CCDC171: variants seen among roughly 807,000 people sequenced by gnomAD.
CCDC171 encodes the protein coiled-coil domain containing 171, also known as coiled-coil domain-containing protein 171.
CCDC171 carries 177 observed loss-of-function variants against 168.2 expected under a neutral mutation model. That is an observed-to-expected ratio of 1.05 (90% CI 0.93 to 1.19). CCDC171 has a LOEUF of 1.19. Ranked by LOEUF, CCDC171 falls within the 50% of genes most tolerant of loss-of-function variation. CCDC171 has a pLI of 0.00. For synonymous variants in CCDC171, 687 were observed against 540.8 expected, an observed-to-expected ratio of 1.27 and a Z score of -3.75; for missense variants, 1,991 against 1,539.0, an observed-to-expected ratio of 1.29 and a Z score of -4.91.
At chr9:15,995,433 C>T (rs541081382) in intron 3 of CCDC171, among the ~76,000 whole-genome samples, 3 of 152,232 alleles carry the variant, frequency 2.0e-5, no homozygotes, top group Non-Finnish European at 2.9e-5. Flanking sequence ...GAGAAATTCA[C>T]TCCTTGAAAA....
intron 7 of CCDC171, among the ~76,000 whole-genome samples, 200 bp from the exon 8 acceptor site, chr9:15,656,927 A>G (rs569985534): frequency 7.9e-5 from 12 of 152,118 alleles, no homozygotes; most frequent in Admixed American, 2.0e-4. Flanking sequence ...TTATACCTCT[A>G]TAAAGTGTAA....
intron 1 of CCDC171, among the ~76,000 whole-genome samples, chr9:16,058,052 AAAT>A (rs1554716686): frequency 3.3e-3 from 505 of 150,864 alleles, no homozygotes; most frequent in African/African-American, 0.011. Flanking sequence ...GAAAAAAAAA[AAAT>A]AATAATAATA....
At chr9:15,988,838 A>G (rs1589300400) in intron 3 of CCDC171, among the ~76,000 whole-genome samples, 1 of 152,162 alleles carries the variant, frequency 6.6e-6, no homozygotes, top group African/African-American at 2.4e-5. Flanking sequence ...TTGCTAGCAC[A>G]GCAGTCTGAG....
intron 18 of CCDC171, among the ~76,000 whole-genome samples, chr9:15,769,332 G>T (rs962838796): frequency 6.6e-6 from 1 of 152,136 alleles, no homozygotes; most frequent in African/African-American, 2.4e-5. Context: ...TTATGATTGG[G>T]TAGTATATTC....
chr9:15,669,237 A>G (rs1009303082), intron 9 of CCDC171, among the ~76,000 whole-genome samples: 5 of 152,194 alleles, frequency 3.3e-5, no homozygotes, highest in South Asian at 2.1e-4. Context: ...TCTATAATCA[A>G]AATTTCTTAG....
chr9:15,986,904 G>A (rs1832008127), intron 3 of CCDC171, among the ~76,000 whole-genome samples: 1 of 151,982 alleles, frequency 6.6e-6, no homozygotes, highest in Non-Finnish European at 1.5e-5. Context: ...GGGGAAAGAT[G>A]TATCCTTTAA....
intron 25 of CCDC171, among the ~76,000 whole-genome samples, chr9:15,944,643 C>T (rs775592555): frequency 1.3e-5 from 2 of 151,860 alleles, no homozygotes; most frequent in African/African-American, 4.8e-5. Context: ...GCTAGGCATG[C>T]GGGTTTAAAT....
At chr9:16,010,862 G>T (rs565694056) in intron 3 of CCDC171, among the ~76,000 whole-genome samples, 1 of 152,158 alleles carries the variant, frequency 6.6e-6, no homozygotes, top group Admixed American at 6.5e-5. Flanking sequence ...TGCCCTAAAA[G>T]AGTATACAAT....
At chr9:16,067,701 A>G in the CCDC171 span, among the ~76,000 whole-genome samples, 3 of 152,118 alleles carry the variant, frequency 2.0e-5, no homozygotes, top group African/African-American at 4.8e-5. Context: ...TTTTCCCAGC[A>G]CCATTTATTA....
chr9:15,624,648 T>A (rs2044886066), intron 7 of CCDC171, among the ~76,000 whole-genome samples: 1 of 152,182 alleles, frequency 6.6e-6, no homozygotes, highest in Admixed American at 6.5e-5. Context: ...AAACTCATCA[T>A]TTTTTATGGC....
At chr9:15,671,679 G>C (rs1461264614) in intron 9 of CCDC171, among the ~76,000 whole-genome samples, 1 of 130,662 alleles carries the variant, frequency 7.7e-6, no homozygotes, top group Non-Finnish European at 1.7e-5. Flanking sequence ...CGCTGCAAAG[G>C]ACGTGAGCTC....
chr9:15,719,416 AAGAGAG>A (rs145961792), intron 11 of CCDC171, among the ~76,000 whole-genome samples: 6 of 7,468 alleles, frequency 8.0e-4, no homozygotes, highest in South Asian at 3.5e-3. Flanking sequence ...GGGCGGGGGA[AAGAGAG>A]AGAGAGAGAG....
intron 7 of CCDC171, among the ~76,000 whole-genome samples, chr9:15,631,080 A>G (rs1247562638): frequency 6.6e-6 from 1 of 152,168 alleles, no homozygotes; most frequent in Non-Finnish European, 1.5e-5. Flanking sequence ...GAAAGATCCA[A>G]AATTGACACC....
chr9:15,964,239 T>A (rs1337196618), intron 25 of CCDC171, among the ~76,000 whole-genome samples: 1 of 152,224 alleles, frequency 6.6e-6, no homozygotes, highest in Non-Finnish European at 1.5e-5. Flanking sequence ...AATTACATTA[T>A]TTTAATTGAT....
Position 15,931,588 on chromosome 9 carries a change from A to G in CCDC171, c.3753+11166A>G, listed in dbSNP as rs78961090. On this transcript the variant is annotated intron_variant, in intron 25 of 25. Transcript: ENST00000380701. ...TGTAGGTTGTCTCTTTACTCTGTCC[A>G]TCATTTCCTTTGCTGTGCAAAAGCT... 4.6e-3 allele frequency among the ~76,000 whole-genome samples: 686 copies of G among 149,086 alleles called. 2 individuals are homozygous for G. The highest frequency in any genetic ancestry group is 7.5e-3 in the Non-Finnish European group (507 of 67,430).
intron 24 of CCDC171, among the ~76,000 whole-genome samples, chr9:15,910,468 G>A (rs912472830): frequency 5.3e-5 from 8 of 152,070 alleles, no homozygotes; most frequent in African/African-American, 1.9e-4. Flanking sequence ...GCTTACGATA[G>A]CCTTGTAGTA....
chr9:15,686,593 A>T (rs1270101621), intron 10 of CCDC171, among the ~76,000 whole-genome samples: 1 of 150,936 alleles, frequency 6.6e-6, no homozygotes, highest in African/African-American at 2.4e-5. Context: ...TGCACCCAAT[A>T]AAAAAAAACT....
At chr9:15,651,397 C>T (rs942594613) in intron 7 of CCDC171, among the ~76,000 whole-genome samples, 3 of 151,816 alleles carry the variant, frequency 2.0e-5, no homozygotes, top group African/African-American at 7.3e-5. Flanking sequence ...GCGTGAGCCA[C>T]CGTGCCTGGC....
intron 7 of CCDC171, among the ~76,000 whole-genome samples, chr9:15,655,381 C>T (rs1412795755): frequency 6.6e-6 from 1 of 152,124 alleles, no homozygotes; most frequent in Non-Finnish European, 1.5e-5. Context: ...TGGATGTTCC[C>T]ATAGTTCTGT....
Sources: allele counts gnomAD v4.1 joint callset (sites outside exome capture counted in the v4.1 genomes callset), GRCh38; gene constraint gnomAD v4.1.1; transcripts MANE v1.5; gene names NCBI Gene and HGNC (gene_info 2026-07-23, HGNC 2026-07-21).